Variants in RYR2 observed in about 807,000 individuals in gnomAD.
RYR2 encodes the protein cardiac muscle ryanodine receptor-calcium release channel.
In RYR2, 227 loss-of-function variants were observed where a neutral mutation model predicts 601.1. That is an observed-to-expected ratio of 0.38 (90% CI 0.34 to 0.42). The LOEUF (loss-of-function observed/expected upper bound fraction) is 0.42. RYR2 is among the 10% of genes least tolerant of loss of function. The pLI, the probability that RYR2 is intolerant of heterozygous loss-of-function variation, is 1.00. For synonymous variants in RYR2, 2,223 were observed against 2,175.1 expected (o/e 1.02, Z -0.61); for missense variants, 4,646 against 6,156.5 (o/e 0.75, Z 8.21).
At chr1:237,228,528 C>G (rs985519268) in intron 1 of RYR2, among the ~76,000 whole-genome samples, 1 of 152,150 alleles carries the variant, frequency 6.6e-6, no homozygotes, top group Non-Finnish European at 1.5e-5. Context: ...AAACTGGTTT[C>G]CTTGTAGGTC....
chr1:237,226,996 T>C (rs934685143), intron 1 of RYR2, among the ~76,000 whole-genome samples: 1 of 152,146 alleles, frequency 6.6e-6, no homozygotes, highest in Admixed American at 6.5e-5. Context: ...CTCAAACTCT[T>C]GGGCTAAAGC....
At chr1:237,442,691 C>T (rs1206276242) in intron 13 of RYR2, among the ~76,000 whole-genome samples, 13 of 152,134 alleles carry the variant, frequency 8.5e-5, no homozygotes, top group Middle Eastern at 6.8e-3. Context: ...CCTGTAGCAT[C>T]GAGTTTTTAA....
chr1:237,524,128 T>C (rs1032179646), intron 24 of RYR2, among the ~76,000 whole-genome samples: 7 of 152,214 alleles, frequency 4.6e-5, no homozygotes, highest in Non-Finnish European at 8.8e-5. Flanking sequence ...AGAAGCATTA[T>C]TCATAAGAGC....
chr1:237,501,066 C>T (rs962940153), intron 21 of RYR2, among the ~76,000 whole-genome samples, 163 bp downstream of exon 21: 6 of 152,112 alleles, frequency 3.9e-5, no homozygotes, highest in African/African-American at 1.4e-4. Flanking sequence ...AGGTAAGCCT[C>T]ACCTAAGATG....
rs1297322139 is a variant in RYR2 at position 237,791,574 on chromosome 1, A to C, written c.13563+59A>C. On this transcript the variant is annotated intron_variant, in intron 93 of 104. Coordinates refer to ENST00000366574, the MANE Select transcript of RYR2 (RefSeq NM_001035.3). ...AAAACTCCAAATAGAAATGAATGTA[A>C]AGATTTCACGATGAACGTATCTACT... 4.5e-6 allele frequency: 4 copies of C among 885,194 alleles called. No individual in the cohort carries two copies. The Admixed American group carries it at 8.1e-5, about 18-fold the overall frequency. 54.8% of individuals were successfully genotyped at this position (885,194 alleles called of 1,614,324 possible).
chr1:237,264,173 C>G (rs1454816372), intron 1 of RYR2, among the ~76,000 whole-genome samples: 2 of 151,984 alleles, frequency 1.3e-5, no homozygotes, highest in Non-Finnish European at 2.9e-5. Flanking sequence ...CCCATTATAT[C>G]CCCCTCTTCC....
Position 237,756,478 on chromosome 1 carries a change from C to T in RYR2, c.11245+91C>T, listed in dbSNP as rs542131322. On this transcript the variant is annotated intron_variant, in intron 81 of 104. Coordinates refer to ENST00000366574, the MANE Select transcript of RYR2 (RefSeq NM_001035.3). Reference sequence around the variant, plus strand: ...CTCCCTCATTTCAATTCCACTGACTCATTTAGTCCTGGGGTTTCTGGTTCA... The same window carrying T: ...CTCCCTCATTTCAATTCCACTGACTTATTTAGTCCTGGGGTTTCTGGTTCA... 63 of 776,842 alleles carry T rather than the reference C, an allele frequency of 8.1e-5. No individual in the cohort carries two copies. In the African/African-American group the frequency reaches 9.5e-4, roughly 12 times the overall value. The allele number at this position is 776,842 out of a possible 1,614,324, so 48.1% of individuals were successfully genotyped here.
rs772404939 is a variant in RYR2, at chr1:237,805,580, CAAAAAAAA to C, written c.14152-539_14152-532del. Among the ~76,000 whole-genome samples, 343 of 37,702 alleles carry C rather than the reference CAAAAAAAA, an allele frequency of 9.1e-3. 2 individuals are homozygous for C. The highest frequency in any genetic ancestry group is 0.027 in the African/African-American group (333 of 12,190). The allele number at this position is 37,702 out of a possible 152,430, so 24.7% of individuals were successfully genotyped here. A position where few individuals can be genotyped will look rare whatever the true frequency, so the allele number is the denominator to read the frequency against. The stretch of plus-strand genomic sequence containing the variant: ...TGGGCGACAGAGCTAGACTCTGTCT[CAAAAAAAA>C]AAAAAAAAAAAAAAAAAGTATAGTG... On this transcript the variant is annotated intron_variant, in intron 98 of 104. Transcript: ENST00000366574.
Position 237,784,447 on chromosome 1 carries a change from G to A in RYR2, c.12735G>A (p.Leu4245=), listed in dbSNP as rs1412924906. 1 of 1,613,788 alleles carries A rather than the reference G, an allele frequency of 6.2e-7. No individual in the cohort carries two copies. The highest frequency in any genetic ancestry group is 1.7e-5 in the Admixed American group (1 of 60,012). The change falls in exon 90 of 105, where the codon CTG becomes CTA. Residue 4245 remains leucine (L), a synonymous_variant. Coordinates refer to ENST00000366574, the MANE Select transcript of RYR2 (RefSeq NM_001035.3). The surrounding 1 kb of genome is among the most constrained non-coding windows in gnomAD (Gnocchi z 7.1). ...FFSILTVRSA[L]FALRYNILTL... is the part of the protein sequence containing the mutation. ...CCATTCTGACGGTCAGGTCGGCCCT[G>A]TTTGCGCTCAGGTACAATATCTTGA... is the stretch of plus-strand genomic sequence containing the variant.
chr1:237,283,701 T>A (rs1375970971), intron 2 of RYR2, among the ~76,000 whole-genome samples: 1 of 152,228 alleles, frequency 6.6e-6, no homozygotes, highest in Non-Finnish European at 1.5e-5. Context: ...GTTGCTGGAG[T>A]AAATATTCAT....
intron 36 of RYR2, among the ~76,000 whole-genome samples, chr1:237,611,496 A>G (rs150540707): frequency 5.3e-5 from 8 of 152,336 alleles, no homozygotes; most frequent in African/African-American, 1.9e-4. Context: ...TCTAGGCAGT[A>G]ATAATAGTAA....
intron 63 of RYR2, among the ~76,000 whole-genome samples, chr1:237,692,172 C>G (rs1264510585): frequency 1.3e-5 from 2 of 152,124 alleles, no homozygotes; most frequent in Non-Finnish European, 2.9e-5. Context: ...AAATCAAATG[C>G]CTTGATGATA....
chr1:237,282,639 G>A (rs1002889769), intron 2 of RYR2, among the ~76,000 whole-genome samples: 1 of 152,184 alleles, frequency 6.6e-6, no homozygotes, highest in African/African-American at 2.4e-5. Context: ...GAATACTTAT[G>A]TCAGGAGCTA....
chr1:237,792,555 G>A (rs1206392478), intron 94 of RYR2, among the ~76,000 whole-genome samples: 1 of 152,002 alleles, frequency 6.6e-6, no homozygotes, highest in Non-Finnish European at 1.5e-5. Context: ...GGGAAAGCTG[G>A]GCTACTGTAG....
intron 1 of RYR2, among the ~76,000 whole-genome samples, chr1:237,085,584 G>A (rs1666236648): frequency 6.6e-6 from 1 of 152,194 alleles, no homozygotes; most frequent in Admixed American, 6.5e-5. Context: ...GTGCACGTGT[G>A]TGTTTAATCT....
rs576954485 is a variant in RYR2 at position 237,092,616 on chromosome 1, G to A, written c.48+50047G>A. ...GTGATTTCGGCTCACTGCAACCTCC[G>A]CCTCCTGGGTTCAAGTGATTCTCCT... On this transcript the variant is annotated intron_variant, in intron 1 of 104. Transcript: ENST00000366574. 4.2e-4 allele frequency among the ~76,000 whole-genome samples: 62 copies of A among 148,238 alleles called. 2 individuals are homozygous for A. The South Asian group carries it at 0.013, about 31-fold the overall frequency.
intron 42 of RYR2, among the ~76,000 whole-genome samples, chr1:237,631,842 A>C (rs370192066): frequency 1.5e-4 from 21 of 142,640 alleles, no homozygotes; most frequent in Admixed American, 3.6e-4. Flanking sequence ...GTTAGCCAGG[A>C]TGGTCTCGAT....
chr1:237,068,164 GT>G (rs935568507), intron 1 of RYR2, among the ~76,000 whole-genome samples: 6 of 150,192 alleles, frequency 4.0e-5, no homozygotes, highest in African/African-American at 1.5e-4. Context: ...GAAACAAAAC[GT>G]TTCGTTGTTT....
chr1:237,355,281 A>G (rs766376379), intron 3 of RYR2, among the ~76,000 whole-genome samples: 1 of 152,082 alleles, frequency 6.6e-6, no homozygotes, highest in Non-Finnish European at 1.5e-5. Context: ...ATTTATTTGC[A>G]AGGAATCCTA....
Sources: allele counts gnomAD v4.1 joint callset (sites outside exome capture counted in the v4.1 genomes callset), GRCh38; gene constraint gnomAD v4.1.1; non-coding constraint Gnocchi (gnomAD v3.1); transcripts MANE v1.5; gene names NCBI Gene and HGNC (gene_info 2026-07-23, HGNC 2026-07-21).